Variants in EEPD1 observed in about 807,000 individuals in gnomAD.
EEPD1 encodes endonuclease/exonuclease/phosphatase family domain containing 1.
EEPD1 carries 17 observed loss-of-function variants against 46.3 expected under a neutral mutation model. The ratio of observed to expected loss-of-function variants is 0.37; its 90% confidence interval spans 0.25 to 0.55. The LOEUF is 0.55. Among genes scored for constraint, EEPD1 ranks in the 20% least tolerant of loss-of-function variants. The pLI is 0.83. For missense variants in EEPD1, 673 were observed against 745.6 expected (o/e 0.90, Z 1.13); for synonymous variants, 313 against 315.6 (o/e 0.99, Z 0.09).
intron 3 of EEPD1, among the ~76,000 whole-genome samples, chr7:36,247,617 T>G (rs1002388440): frequency 1.3e-5 from 2 of 152,162 alleles, no homozygotes; most frequent in Non-Finnish European, 2.9e-5. Flanking sequence ...GACAGGACAT[T>G]GAGGCCAAGG....
chr7:36,172,617 GTTTTTTTTT>G (rs70977113), intron 2 of EEPD1, among the ~76,000 whole-genome samples: 1 of 100,124 alleles, frequency 1.0e-5, no homozygotes, highest in African/African-American at 3.9e-5. Flanking sequence ...AATATTATGA[GTTTTTTTTT>G]TTTTTTTTTT....
chr7:36,197,127 T>C (rs1785614496), intron 2 of EEPD1, among the ~76,000 whole-genome samples: 1 of 138,838 alleles, frequency 7.2e-6, no homozygotes, highest in Non-Finnish European at 1.5e-5. Context: ...GAGGAGACCC[T>C]CCGCCTGGCA....
chr7:36,256,325 T>A (rs1786828108), intron 3 of EEPD1, among the ~76,000 whole-genome samples: 1 of 152,248 alleles, frequency 6.6e-6, no homozygotes, highest in African/African-American at 2.4e-5. Flanking sequence ...GTTTTGTAGA[T>A]GTCCATTAGG....
intron 2 of EEPD1, among the ~76,000 whole-genome samples, chr7:36,166,183 T>G (rs998881706): frequency 1.3e-5 from 2 of 152,260 alleles, no homozygotes; most frequent in African/African-American, 2.4e-5. Context: ...AGTATACCTT[T>G]GCTGAACTCA....
At chr7:36,195,293 C>G (rs757086291) in intron 2 of EEPD1, among the ~76,000 whole-genome samples, 3 of 152,218 alleles carry the variant, frequency 2.0e-5, no homozygotes, top group African/African-American at 7.2e-5. Flanking sequence ...GCCTCCCTGA[C>G]CCAGTGTGCT....
At chr7:36,209,276 G>C (rs1196069624) in intron 2 of EEPD1, among the ~76,000 whole-genome samples, 1 of 152,168 alleles carries the variant, frequency 6.6e-6, no homozygotes, top group Non-Finnish European at 1.5e-5. Context: ...ACCTAACTCA[G>C]TTAGTGATTC....
chr7:36,217,673 G>A (rs2115737951), intron 2 of EEPD1, among the ~76,000 whole-genome samples: 1 of 152,310 alleles, frequency 6.6e-6, no homozygotes, highest in East Asian at 1.9e-4. Flanking sequence ...AGATTCCTGT[G>A]AAATGTGCTC....
At chr7:36,169,178 A>G (rs1785039011) in intron 2 of EEPD1, among the ~76,000 whole-genome samples, 1 of 152,216 alleles carries the variant, frequency 6.6e-6, no homozygotes, top group South Asian at 2.1e-4. Flanking sequence ...GCTGCTAAGA[A>G]CATTCATGTA....
intron 2 of EEPD1, among the ~76,000 whole-genome samples, chr7:36,164,350 A>G (rs1300964567): frequency 1.3e-5 from 2 of 152,216 alleles, no homozygotes; most frequent in East Asian, 1.9e-4. Flanking sequence ...TGACATAAAC[A>G]GTTTAAGGAC....
At chr7:36,196,673 C>G (rs1419277808) in intron 2 of EEPD1, among the ~76,000 whole-genome samples, 1 of 152,242 alleles carries the variant, frequency 6.6e-6, no homozygotes, top group East Asian at 1.9e-4. Context: ...CTCGGCCTCC[C>G]GAAGTGCCGG....
chr7:36,188,562 C>G (rs1785406128), intron 2 of EEPD1, among the ~76,000 whole-genome samples: 1 of 152,156 alleles, frequency 6.6e-6, no homozygotes, highest in African/African-American at 2.4e-5. Flanking sequence ...GCAGGGATTA[C>G]TGTGTGTTGG....
chr7:36,181,752 G>C (rs2540663), intron 2 of EEPD1, among the ~76,000 whole-genome samples: 19,680 of 152,268 alleles, frequency 0.13, 1,693 homozygotes, highest in Non-Finnish European at 0.2. Context: ...GTTGTATGAA[G>C]TTCAAGGCTC....
chr7:36,172,782 A>G (rs1785109606), intron 2 of EEPD1, among the ~76,000 whole-genome samples: 1 of 137,958 alleles, frequency 7.2e-6, no homozygotes, highest in South Asian at 2.5e-4. Flanking sequence ...TGTTTCTGTG[A>G]GTTGCTTCAG....
At chr7:36,200,557 T>C (rs370942303) in intron 2 of EEPD1, among the ~76,000 whole-genome samples, 4 of 152,224 alleles carry the variant, frequency 2.6e-5, no homozygotes, top group Non-Finnish European at 5.9e-5. Flanking sequence ...AAGAAGAACT[T>C]ACTTTCAGGG....
chr7:36,209,016 G>A (rs1416085528), intron 2 of EEPD1, among the ~76,000 whole-genome samples: 1 of 152,184 alleles, frequency 6.6e-6, no homozygotes, highest in Non-Finnish European at 1.5e-5. Flanking sequence ...CTGGTCTCAG[G>A]CCTCAGGTGT....
At chr7:36,250,048 G>A (rs920216097) in intron 3 of EEPD1, among the ~76,000 whole-genome samples, 1 of 151,992 alleles carries the variant, frequency 6.6e-6, no homozygotes, top group African/African-American at 2.4e-5. Context: ...GTGAAACCCT[G>A]TCTCTACAAA....
intron 2 of EEPD1, among the ~76,000 whole-genome samples, chr7:36,190,271 C>T (rs191986730): frequency 2.0e-4 from 30 of 152,258 alleles, no homozygotes; most frequent in African/African-American, 6.3e-4. Flanking sequence ...ACTTGGGAGG[C>T]TGAGACAGGA....
intron 2 of EEPD1, among the ~76,000 whole-genome samples, chr7:36,195,255 TA>T (rs1341639785): frequency 5.3e-5 from 8 of 152,186 alleles, no homozygotes; most frequent in Admixed American, 3.9e-4. Context: ...ATGCGGGATT[TA>T]CTCATGGGAG....
At chr7:36,176,375 G>A (rs1313757572) in intron 2 of EEPD1, among the ~76,000 whole-genome samples, 1 of 152,192 alleles carries the variant, frequency 6.6e-6, no homozygotes, top group Non-Finnish European at 1.5e-5. Flanking sequence ...GCAAAGAAGA[G>A]GCAGGGTTTC....
Sources: gnomAD v4.1 joint callset for allele counts (sites outside exome capture counted in the v4.1 genomes callset) on GRCh38, gnomAD v4.1.1 for gene constraint, MANE v1.5 for transcripts, NCBI Gene and HGNC (gene_info 2026-07-23, HGNC 2026-07-21) for gene names.